The following CNTN3 variants were observed in gnomAD, a reference collection of about 807,000 sequenced individuals.
The protein encoded by CNTN3 is contactin 3.
CNTN3 carries 60 observed loss-of-function variants against 119.1 expected under a neutral mutation model. That is an observed-to-expected ratio of 0.50 (90% CI 0.41 to 0.62). The LOEUF (loss-of-function observed/expected upper bound fraction) is 0.62. Among genes scored for constraint, CNTN3 ranks in the 20% least tolerant of loss-of-function variants. The pLI is 0.00. For synonymous variants in CNTN3, 450 were observed against 438.7 expected, an observed-to-expected ratio of 1.03 and a Z score of -0.32; for missense variants, 1,101 against 1,242.4, an observed-to-expected ratio of 0.89 and a Z score of 1.71.
Position 74,367,086 on chromosome 3 carries a change from T to C in CNTN3, c.947-1384A>G, listed in dbSNP as rs1408604360. ...ACATCAATTCTGATTTCTCCCTTTATTCCATCATATGAGATGCAAATATTC... is the reference window on the plus strand; with the variant it reads ...ACATCAATTCTGATTTCTCCCTTTACTCCATCATATGAGATGCAAATATTC... On this transcript the variant is annotated intron_variant, in intron 8 of 22. Coordinates refer to ENST00000263665, the MANE Select transcript of CNTN3 (RefSeq NM_020872.3). Among the ~76,000 whole-genome samples the C allele has an allele frequency of 3.9e-5, 6 of 151,964 alleles. No individual in the cohort carries two copies. The South Asian group carries it at 8.3e-4, about 21-fold the overall frequency.
rs1325686163 is a variant in CNTN3, at chr3:74,301,412, C to T, written c.2081G>A (p.Arg694Lys). 6.2e-7 allele frequency: 1 copy of T among 1,613,816 alleles called. No homozygotes were observed. Among genetic ancestry groups the T allele is most frequent in the Non-Finnish European group, 8.5e-7 (1 of 1,179,908 alleles). Reference protein sequence around the residue: ...GEPSLPSEKVRTEEAVPEVPP... With the variant: ...GEPSLPSEKVKTEEAVPEVPP... ...AAAACACTAACCTGCCTCTTCAGTT[C>T]TTACTTTTTCTGAGGGTAAACTTGG... Residue 694 changes from arginine to lysine, a missense_variant, in exon 16 of 23, where the codon AGA becomes AAA. By Grantham distance (26) the Arg-to-Lys change is conservative. Transcript: ENST00000263665.
chr3:74,444,047 G>T (rs1009766463), intron 4 of CNTN3, among the ~76,000 whole-genome samples: 31 of 152,080 alleles, frequency 2.0e-4, no homozygotes, highest in African/African-American at 6.0e-4. Flanking sequence ...AAACTTTGGT[G>T]TTCCTTGACT....
chr3:74,455,863 C>T (rs1030899462), intron 4 of CNTN3, among the ~76,000 whole-genome samples: 7 of 152,022 alleles, frequency 4.6e-5, no homozygotes. Flanking sequence ...CCCTGCCCCA[C>T]CCAGGAGGGT....
At chr3:74,468,064 G>A (rs569824641) in intron 4 of CNTN3, among the ~76,000 whole-genome samples, 2 of 152,240 alleles carry the variant, frequency 1.3e-5, no homozygotes, top group African/African-American at 4.8e-5. Flanking sequence ...TCCAGCTTTG[G>A]GAAATATCTA....
chr3:74,458,226 C>A (rs2106966069), intron 4 of CNTN3, among the ~76,000 whole-genome samples: 1 of 152,046 alleles, frequency 6.6e-6, no homozygotes, highest in East Asian at 1.9e-4. Flanking sequence ...AATTGAAAAT[C>A]AAAAAACTTA....
chr3:74,457,977 C>A (rs1043673444), intron 4 of CNTN3, among the ~76,000 whole-genome samples: 1 of 151,964 alleles, frequency 6.6e-6, no homozygotes, highest in Non-Finnish European at 1.5e-5. Context: ...CTTGACCATA[C>A]AATTTATCAT....
chr3:74,392,200 G>C (rs1187937429), intron 5 of CNTN3, among the ~76,000 whole-genome samples: 1 of 152,144 alleles, frequency 6.6e-6, no homozygotes, highest in Non-Finnish European at 1.5e-5. Context: ...TTAATTCAAG[G>C]ACATTAATTA....
intron 1 of CNTN3, among the ~76,000 whole-genome samples, chr3:74,546,241 C>A (rs1308035936): frequency 6.6e-6 from 1 of 152,122 alleles, no homozygotes; most frequent in Non-Finnish European, 1.5e-5. Context: ...ATGATCAGCA[C>A]GCCTCAGCCT....
intron 13 of CNTN3, among the ~76,000 whole-genome samples, chr3:74,311,411 A>C (rs1702682352): frequency 6.6e-6 from 1 of 152,224 alleles, no homozygotes; most frequent in African/African-American, 2.4e-5. Context: ...ATAAGAAAAA[A>C]AAGGTTTATA....
At chr3:74,574,493 T>C (rs1704383169) in intron 1 of CNTN3, among the ~76,000 whole-genome samples, 1 of 152,226 alleles carries the variant, frequency 6.6e-6, no homozygotes, top group Non-Finnish European at 1.5e-5. Context: ...CTAAGATCCC[T>C]GCTTTATGTT....
intron 1 of CNTN3, among the ~76,000 whole-genome samples, chr3:74,557,472 A>G (rs1704088234): frequency 6.6e-6 from 1 of 152,150 alleles, no homozygotes; most frequent in Non-Finnish European, 1.5e-5. Context: ...CCCTGAGTCA[A>G]TGACTAGTAT....
intron 13 of CNTN3, among the ~76,000 whole-genome samples, chr3:74,320,765 C>G (rs1702967766): frequency 6.6e-6 from 1 of 152,150 alleles, no homozygotes. Context: ...ACTAACCACT[C>G]CCTCCAGTGC....
chr3:74,452,381 G>C (rs1380989281), intron 4 of CNTN3, among the ~76,000 whole-genome samples: 3 of 131,332 alleles, frequency 2.3e-5, no homozygotes. Context: ...CTGAGACTTT[G>C]CTGAAGTTGC....
rs191385619 is a variant in CNTN3 at position 74,282,965 on chromosome 3, C to A, written c.2704+2340G>T. Among the ~76,000 whole-genome samples, 29 of 152,202 alleles carry A rather than the reference C, an allele frequency of 1.9e-4. No homozygotes were observed. In the Middle Eastern group the frequency reaches 0.024, roughly 125 times the overall value. The stretch of plus-strand genomic sequence containing the variant: ...GATCAACCTAAAGACTCTAGATGAA[C>A]TCCAGTTGAATAATAGCAGAACATT... On this transcript the variant is annotated intron_variant, in intron 20 of 22. Transcript: ENST00000263665.
At chr3:74,509,114 C>A (rs1703317530) in intron 2 of CNTN3, among the ~76,000 whole-genome samples, 1 of 152,030 alleles carries the variant, frequency 6.6e-6, no homozygotes, top group South Asian at 2.1e-4. Context: ...TTTCTTAGAG[C>A]TATACAGTAT....
intron 1 of CNTN3, among the ~76,000 whole-genome samples, chr3:74,522,407 T>C (rs79700710): frequency 0.043 from 6,590 of 152,008 alleles, 155 homozygotes; most frequent in South Asian, 0.066. Context: ...AGTAGTAACA[T>C]TGACCTTTAA....
At chr3:74,427,028 G>A (rs1429362814) in intron 4 of CNTN3, among the ~76,000 whole-genome samples, 1 of 152,178 alleles carries the variant, frequency 6.6e-6, no homozygotes, top group Non-Finnish European at 1.5e-5. Flanking sequence ...ACGGAAACCA[G>A]TAATGTCTCC....
intron 4 of CNTN3, among the ~76,000 whole-genome samples, chr3:74,437,961 ACACAATAT>A (rs1701899390): frequency 6.6e-6 from 1 of 152,224 alleles, no homozygotes; most frequent in Non-Finnish European, 1.5e-5. Flanking sequence ...CAAGACTATT[ACACAATAT>A]CATATTTAAA....
intron 4 of CNTN3, among the ~76,000 whole-genome samples, chr3:74,481,375 AT>A (rs1479551812): frequency 6.6e-6 from 1 of 151,908 alleles, no homozygotes; most frequent in East Asian, 1.9e-4. Context: ...AATATCAACA[AT>A]TTCCAAGAAT....
Sources: allele counts gnomAD v4.1 joint callset (sites outside exome capture counted in the v4.1 genomes callset), GRCh38; gene constraint gnomAD v4.1.1; transcripts MANE v1.5; gene names NCBI Gene and HGNC (gene_info 2026-07-23, HGNC 2026-07-21).